The following DOCK7 variants were observed in gnomAD, a reference collection of about 807,000 sequenced individuals.
DOCK7 encodes the protein dedicator of cytokinesis 7.
Under a neutral mutation model 271.0 loss-of-function variants are expected in DOCK7, and 138 were observed. The observed-to-expected ratio is 0.51, with a 90% CI of 0.44 to 0.59. The LOEUF is 0.59. DOCK7 is among the 20% of genes least tolerant of loss of function. DOCK7 has a pLI of 0.00. For synonymous variants in DOCK7, 823 were observed against 876.1 expected, an observed-to-expected ratio of 0.94 and a Z score of 1.07; for missense variants, 2,066 against 2,592.4, an observed-to-expected ratio of 0.80 and a Z score of 4.41.
In DOCK7 at chr1:62,648,408, G is replaced by A; in HGVS notation, c.519+7C>T. 6.6e-7 allele frequency: 1 copy of A among 1,509,422 alleles called. No homozygotes were observed. Among genetic ancestry groups the A allele is most frequent in the Middle Eastern group, 2.3e-4 (1 of 4,310 alleles). 93.5% of individuals were successfully genotyped at this position (1,509,422 alleles called of 1,614,324 possible). A position where few individuals can be genotyped will look rare whatever the true frequency, so the allele number is the denominator to read the frequency against. On this transcript the variant is annotated splice_region_variant and intron_variant, in intron 5 of 49. Transcript: ENST00000635253. ...TTCTTATAGTTATTTAAGAATAAAA[G>A]TATTACTTGATCATCCTGGTAGCTG...
Position 62,688,293 on chromosome 1 carries a change from G to C in DOCK7, c.-29C>G, listed in dbSNP as rs764157989. The C allele has an allele frequency of 5.4e-4, 670 of 1,240,370 alleles. 4 individuals carry two copies. The highest frequency in any genetic ancestry group is 2.7e-3 in the Middle Eastern group (10 of 3,644). 76.8% of individuals were successfully genotyped at this position (1,240,370 alleles called of 1,614,324 possible). A position where few individuals can be genotyped will look rare whatever the true frequency, so the allele number is the denominator to read the frequency against. On this transcript the variant is annotated 5_prime_UTR_variant, in exon 1 of 50. Transcript: ENST00000635253. Reference sequence around the variant, plus strand: ...TGCTGCGGCGACGGCGACGGCGGCGGCGGCTGCGGCGGGCCGGGTGCGGAC... The same window carrying C: ...TGCTGCGGCGACGGCGACGGCGGCGCCGGCTGCGGCGGGCCGGGTGCGGAC...
chr1:62,593,027 G>A (rs1266549760), intron 14 of DOCK7, among the ~76,000 whole-genome samples: 1 of 152,084 alleles, frequency 6.6e-6, no homozygotes, highest in East Asian at 1.9e-4. Context: ...ACAGGATTAT[G>A]CAGCTATTAA....
In DOCK7 at chr1:62,618,785, G is replaced by C. The variant is rs767465304; in HGVS notation, c.1603C>G (p.Pro535Ala). Residue 535 changes from proline to alanine, a missense_variant, in exon 14 of 50, where the codon CCT (proline) becomes GCT (alanine). By Grantham distance (27) the Pro-to-Ala change is conservative (BLOSUM62 -1). Transcript: ENST00000635253. ...TPELLQVKLY[P>A]DSRVRPTREI... is the part of the protein sequence containing the mutation. Reference sequence around the variant, plus strand: ...CTGGTAGGTCTAACTCTACTGTCAGGGTAAAGCTTCACTTGAAGCAGCTCC... The same window carrying C: ...CTGGTAGGTCTAACTCTACTGTCAGCGTAAAGCTTCACTTGAAGCAGCTCC... The C allele has an allele frequency of 6.2e-7, 1 of 1,613,586 alleles. No individual in the cohort carries two copies. Among genetic ancestry groups the C allele is most frequent in the Non-Finnish European group, 8.5e-7 (1 of 1,179,550 alleles).
In DOCK7 at chr1:62,455,403, G is replaced by A. The variant is rs752567493; in HGVS notation, c.*11C>T. The A allele has an allele frequency of 1.9e-5, 31 of 1,612,922 alleles. No individual in the cohort carries two copies. In the South Asian group the frequency reaches 2.0e-4, roughly 10 times the overall value. On this transcript the variant is annotated 3_prime_UTR_variant, in exon 50 of 50. Coordinates refer to ENST00000635253, the MANE Select transcript of DOCK7 (RefSeq NM_001367561.1). ...GGCTCTTTGCAGATGAATAAAACAA[G>A]TGCATTCAGTTTAGAGATCCATTTT...
At chr1:62,494,725 T>C in intron 39 of DOCK7, 3 of 318,548 alleles carry the variant, frequency 9.4e-6, no homozygotes, top group Non-Finnish European at 1.7e-5. Context: ...TTTAAGAAAA[T>C]AACCAGTTAA....
chr1:62,475,347 A>C lies in DOCK7; in HGVS notation c.5966T>G (p.Ile1989Ser). 1 of 1,613,962 alleles carries C rather than the reference A, an allele frequency of 6.2e-7. No homozygotes were observed. Among genetic ancestry groups the C allele is most frequent in the South Asian group, 1.1e-5 (1 of 91,056 alleles). ...RVNVTHKEEI[I>S]LTPIEVAIED... Reference sequence around the variant, plus strand: ...AATAGCAACTTCAATTGGTGTTAAGATGATCTGAGTAAAAGAGCATCTGTT... The same window carrying C: ...AATAGCAACTTCAATTGGTGTTAAGCTGATCTGAGTAAAAGAGCATCTGTT... Residue 1989 changes from isoleucine to serine, a missense_variant, in exon 47 of 50, where the codon ATC becomes AGC. Transcript: ENST00000635253.
intron 7 of DOCK7, among the ~76,000 whole-genome samples, 191 bp downstream of exon 7, chr1:62,647,500 T>G (rs1184784336): frequency 6.6e-6 from 1 of 152,172 alleles, no homozygotes; most frequent in Non-Finnish European, 1.5e-5. Flanking sequence ...CATAAATACG[T>G]TAGGCTTAGC....
intron 7 of DOCK7, chr1:62,641,396 AG>A: frequency 2.5e-6 from 1 of 399,352 alleles, no homozygotes; most frequent in Non-Finnish European, 5.0e-6. Context: ...GTCATAGGGG[AG>A]TGGGATCCCA....
intron 22 of DOCK7, among the ~76,000 whole-genome samples, 151 bp downstream of exon 22, chr1:62,552,579 AAC>A (rs1051532821): frequency 4.6e-5 from 7 of 152,348 alleles, no homozygotes; most frequent in Non-Finnish European, 7.4e-5. Flanking sequence ...AGAAAAATAA[AAC>A]AGTGTTTACT....
At chr1:62,626,004 T>C (rs1014837176) in intron 11 of DOCK7, among the ~76,000 whole-genome samples, 2 of 152,124 alleles carry the variant, frequency 1.3e-5, no homozygotes, top group Non-Finnish European at 2.9e-5. Context: ...TAAAACAACA[T>C]ACAATACATT....
intron 48 of DOCK7, among the ~76,000 whole-genome samples, chr1:62,471,241 T>A (rs1007205): frequency 6.6e-6 from 1 of 151,704 alleles, no homozygotes; most frequent in Non-Finnish European, 1.5e-5. Flanking sequence ...GTTTCTGGGG[T>A]GGGGAGGGTC....
intron 1 of DOCK7, among the ~76,000 whole-genome samples, chr1:62,682,549 T>C (rs1239080315): frequency 6.6e-6 from 1 of 152,066 alleles, no homozygotes; most frequent in Non-Finnish European, 1.5e-5. Context: ...ATGTAACTTT[T>C]TAAAAAAACA....
intron 40 of DOCK7, 106 bp downstream of exon 40, chr1:62,494,169 G>T: frequency 9.7e-7 from 1 of 1,027,138 alleles, no homozygotes; most frequent in Non-Finnish European, 1.4e-6. Flanking sequence ...ATTGGCTTAA[G>T]TCTTTAAGCT....
rs1440924993 is a variant in DOCK7 at position 62,663,257 on chromosome 1, A to T, written c.39-127T>A. 4.2e-6 allele frequency: 3 copies of T among 715,922 alleles called. No homozygotes were observed. The African/African-American group carries it at 5.4e-5, about 13-fold the overall frequency. 44.3% of individuals were successfully genotyped at this position (715,922 alleles called of 1,614,324 possible). On this transcript the variant is annotated intron_variant, in intron 1 of 49. Coordinates refer to ENST00000635253, the MANE Select transcript of DOCK7 (RefSeq NM_001367561.1). ...AAAAACAAAATCTCAGCATAACAAT[A>T]AGGCTAGAAATTCGTAAAATATTTT...
chr1:62,685,567 G>C (rs1661635534), intron 1 of DOCK7, among the ~76,000 whole-genome samples: 1 of 149,948 alleles, frequency 6.7e-6, no homozygotes, highest in African/African-American at 2.5e-5. Flanking sequence ...CAATCTACTT[G>C]CTGATAACTC....
intron 14 of DOCK7, among the ~76,000 whole-genome samples, chr1:62,615,055 A>G (rs1039179194): frequency 1.3e-5 from 2 of 152,026 alleles, no homozygotes; most frequent in East Asian, 3.9e-4. Flanking sequence ...ACAGGTTACG[A>G]GAGCCCATCT....
chr1:62,495,677 T>C lies in DOCK7; in HGVS notation c.4928A>G (p.Gln1643Arg), dbSNP rs1469942567. The change falls in exon 39 of 50, where the codon CAG (glutamine) becomes CGG (arginine). Residue 1643 changes from glutamine to arginine, a missense_variant. By Grantham distance (43) the Gln-to-Arg change is conservative (BLOSUM62 1). This residue lies in a region of DOCK7 where 652 missense variants were observed against 922.1 expected (regional missense o/e 0.71). Transcript: ENST00000635253. Reference sequence around the variant, plus strand: ...CATATGGAGATTGAAAACCAGATCCTGGACCTGCAGCAGAGAATTATATGA... The same window carrying C: ...CATATGGAGATTGAAAACCAGATCCCGGACCTGCAGCAGAGAATTATATGA... ...LRETTFPDQV[Q>R]DLVFNLHMIL... 4 of 1,583,714 alleles carry C rather than the reference T, an allele frequency of 2.5e-6. No individual in the cohort carries two copies. The highest frequency in any genetic ancestry group is 3.4e-6 in the Non-Finnish European group (4 of 1,172,374).
chr1:62,638,344 T>C (rs770279479), intron 7 of DOCK7: 16 of 152,060 alleles, frequency 1.1e-4, no homozygotes, highest in Non-Finnish European at 1.9e-4. Context: ...CTAGGGGTAG[T>C]GCTTTCTGTG....
intron 18 of DOCK7, among the ~76,000 whole-genome samples, chr1:62,566,938 T>C (rs1646536065): frequency 6.6e-6 from 1 of 152,052 alleles, no homozygotes. Flanking sequence ...AAGAGACACA[T>C]GAAAAAATGC....
Sources: gnomAD v4.1 joint callset for allele counts (sites outside exome capture counted in the v4.1 genomes callset) on GRCh38, gnomAD v4.1.1 for gene constraint, gnomAD v4.1.1 regional missense constraint, MANE v1.5 for transcripts, NCBI Gene and HGNC (gene_info 2026-07-23, HGNC 2026-07-21) for gene names.